Variants in EYS observed in about 807,000 individuals in gnomAD.
EYS encodes protein eyes shut homolog.
EYS carries 250 observed loss-of-function variants against 282.1 expected under a neutral mutation model. The observed-to-expected ratio is 0.89, with a 90% CI of 0.80 to 0.98. The LOEUF (loss-of-function observed/expected upper bound fraction) is 0.98. Ranked by LOEUF, EYS falls within the 50% of genes least tolerant of loss-of-function variation. The pLI is 0.00. For missense variants in EYS, 4,016 were observed against 3,709.0 expected (o/e 1.08, Z -2.15); for synonymous variants, 1,355 against 1,282.9 (o/e 1.06, Z -1.20).
intron 35 of EYS, among the ~76,000 whole-genome samples, chr6:63,917,664 A>C (rs930656748): frequency 6.6e-6 from 1 of 152,278 alleles, no homozygotes; most frequent in African/African-American, 2.4e-5. Flanking sequence ...AAATTAAAAC[A>C]GACATGAAAT....
chr6:64,115,134 G>T (rs1191700246), intron 31 of EYS, among the ~76,000 whole-genome samples: 1 of 152,182 alleles, frequency 6.6e-6, no homozygotes, highest in Non-Finnish European at 1.5e-5. Flanking sequence ...TCTGTAGAAG[G>T]TACATCTATG....
intron 31 of EYS, among the ~76,000 whole-genome samples, chr6:64,152,492 A>G (rs1420845480): frequency 6.6e-6 from 1 of 152,158 alleles, no homozygotes; most frequent in Non-Finnish European, 1.5e-5. Flanking sequence ...TGCTGCTTCT[A>G]TAATTTTCTA....
intron 12 of EYS, among the ~76,000 whole-genome samples, chr6:65,261,332 A>C (rs1767615395): frequency 6.6e-6 from 1 of 151,922 alleles, no homozygotes; most frequent in Non-Finnish European, 1.5e-5. Flanking sequence ...TGTCTGATAT[A>C]ATTTTTACAT....
At chr6:64,010,054 T>TG (rs1447701632) in intron 33 of EYS, among the ~76,000 whole-genome samples, 2 of 150,138 alleles carry the variant, frequency 1.3e-5, no homozygotes, top group Non-Finnish European at 3.0e-5. Flanking sequence ...GCTCTAACTC[T>TG]GGGGGGTGGG....
chr6:64,670,050 C>T (rs542460544), intron 22 of EYS, among the ~76,000 whole-genome samples: 4 of 152,210 alleles, frequency 2.6e-5, no homozygotes, highest in African/African-American at 9.6e-5. Flanking sequence ...CTCCAGGATC[C>T]GGGAGCCACC....
intron 33 of EYS, among the ~76,000 whole-genome samples, chr6:64,034,334 A>G (rs1770009351): frequency 6.6e-6 from 1 of 152,202 alleles, no homozygotes. Flanking sequence ...TTATATATGT[A>G]CTACATATAT....
intron 14 of EYS, among the ~76,000 whole-genome samples, chr6:64,965,788 G>T (rs1310664180): frequency 6.6e-6 from 1 of 152,032 alleles, no homozygotes; most frequent in East Asian, 1.9e-4. Flanking sequence ...TTAAGATACA[G>T]CTACCTACAA....
At chr6:63,749,803 A>G (rs1050496607) in intron 41 of EYS, among the ~76,000 whole-genome samples, 10 of 152,136 alleles carry the variant, frequency 6.6e-5, no homozygotes, top group African/African-American at 2.2e-4. Flanking sequence ...AGCCCCCTCC[A>G]GGGGTCCCAA....
At chr6:64,914,751 A>G (rs2150077962) in intron 15 of EYS, among the ~76,000 whole-genome samples, 1 of 152,250 alleles carries the variant, frequency 6.6e-6, no homozygotes, top group Admixed American at 6.5e-5. Context: ...AGTGTTTACT[A>G]GTTCAATAAG....
At chr6:65,376,605 T>C (rs1053029608) in intron 8 of EYS, among the ~76,000 whole-genome samples, 4 of 152,114 alleles carry the variant, frequency 2.6e-5, no homozygotes, top group East Asian at 1.9e-4. Context: ...TCAAGACCCA[T>C]TGGTGCACTG....
At chr6:64,084,953 C>T (rs1273537032) in intron 31 of EYS, among the ~76,000 whole-genome samples, 2 of 152,112 alleles carry the variant, frequency 1.3e-5, no homozygotes, top group African/African-American at 4.8e-5. Flanking sequence ...TCCTGGTCAT[C>T]TCCTGCCCTA....
chr6:63,864,340 A>G lies in EYS; in HGVS notation c.7074T>C (p.Phe2358=), dbSNP rs1772620298. The G allele has an allele frequency of 3.2e-6, 5 of 1,550,284 alleles. No homozygotes were observed. In the East Asian group the frequency reaches 9.8e-5, roughly 30 times the overall value. Residue 2358 remains phenylalanine, a synonymous_variant, in exon 36 of 43, where the codon TTT becomes TTC. Coordinates refer to ENST00000503581, the MANE Select transcript of EYS (RefSeq NM_001142800.2). ...GTCISDNENL[F]CECPRLYSGK... Reference sequence around the variant, plus strand: ...CTGAATACAGCCTTGGACACTCACAAAACAGATTTTCATTATCACTGAGAA... The same window carrying G: ...CTGAATACAGCCTTGGACACTCACAGAACAGATTTTCATTATCACTGAGAA...
chr6:63,836,564 G>A (rs112060319), intron 36 of EYS, among the ~76,000 whole-genome samples: 3 of 151,964 alleles, frequency 2.0e-5, no homozygotes, highest in Admixed American at 6.6e-5. Flanking sequence ...GGTAGAAAAA[G>A]TCATTGTTCT....
chr6:65,205,469 A>C (rs1018348457), intron 12 of EYS, among the ~76,000 whole-genome samples: 1 of 151,908 alleles, frequency 6.6e-6, no homozygotes, highest in Non-Finnish European at 1.5e-5. Flanking sequence ...GGGAACTTCA[A>C]CACCTCACTG....
intron 28 of EYS, among the ~76,000 whole-genome samples, chr6:64,391,735 A>G (rs1256950804): frequency 6.6e-6 from 1 of 152,080 alleles, no homozygotes; most frequent in Non-Finnish European, 1.5e-5. Flanking sequence ...CAAAATAACC[A>G]GCTAACATCA....
chr6:64,039,215 A>G (rs998144202), intron 33 of EYS, among the ~76,000 whole-genome samples: 2 of 152,226 alleles, frequency 1.3e-5, no homozygotes, highest in Non-Finnish European at 2.9e-5. Context: ...TAAATTTCTT[A>G]ATAGATCATT....
chr6:64,271,929 T>C (rs1273896858), intron 30 of EYS, among the ~76,000 whole-genome samples: 1 of 152,140 alleles, frequency 6.6e-6, no homozygotes, highest in African/African-American at 2.4e-5. Flanking sequence ...AACCTCTGTG[T>C]CCTGGTTTCA....
chr6:65,599,605 A>G (rs1481465617), intron 2 of EYS, among the ~76,000 whole-genome samples: 4 of 152,096 alleles, frequency 2.6e-5, no homozygotes, highest in Admixed American at 1.3e-4. Flanking sequence ...AAAAATATAA[A>G]TTTTATGTTT....
intron 22 of EYS, among the ~76,000 whole-genome samples, chr6:64,725,554 A>C (rs1462272694): frequency 6.6e-6 from 1 of 152,190 alleles, no homozygotes; most frequent in African/African-American, 2.4e-5. Flanking sequence ...CCCTAGCCCT[A>C]TTATGAATAC....
Sources: gnomAD v4.1 joint callset for allele counts (sites outside exome capture counted in the v4.1 genomes callset) on GRCh38, gnomAD v4.1.1 for gene constraint, MANE v1.5 for transcripts, NCBI Gene and HGNC (gene_info 2026-07-23, HGNC 2026-07-21) for gene names.